SLC9B2: variants seen among roughly 807,000 people sequenced by gnomAD.
The protein encoded by SLC9B2 is sodium/hydrogen exchanger 9B2.
Under a neutral mutation model 52.2 loss-of-function variants are expected in SLC9B2, and 39 were observed. The ratio of observed to expected loss-of-function variants is 0.75; its 90% CI spans 0.58 to 0.98. The LOEUF (loss-of-function observed/expected upper bound fraction) is 0.98, where lower values mean the gene tolerates loss of function less well. Ranked by LOEUF, SLC9B2 falls within the 50% of genes least tolerant of loss-of-function variation. The probability of loss-of-function intolerance (pLI) is 0.00; values close to 1 mark genes in which losing one functional copy is unlikely to be tolerated. For synonymous variants in SLC9B2, 214 were observed against 227.0 expected (o/e 0.94, Z 0.51); for missense variants, 626 against 637.5 (o/e 0.98, Z 0.19).
chr4:103,032,088 G>A (rs1366197027), intron 9 of SLC9B2, among the ~76,000 whole-genome samples: 2 of 152,090 alleles, frequency 1.3e-5, no homozygotes, highest in Admixed American at 1.3e-4. Context: ...TCCTACTTCT[G>A]AATACATCGT....
chr4:103,049,914 G>A (rs1438757863), intron 5 of SLC9B2, among the ~76,000 whole-genome samples: 1 of 151,956 alleles, frequency 6.6e-6, no homozygotes, highest in Non-Finnish European at 1.5e-5. Context: ...TGGGAGGCCT[G>A]AGGCAGGAGA....
chr4:103,058,612 G>C (rs1385196630), intron 3 of SLC9B2, among the ~76,000 whole-genome samples: 1 of 152,038 alleles, frequency 6.6e-6, no homozygotes, highest in African/African-American at 2.4e-5. Flanking sequence ...TTGTTACCCA[G>C]GCTGGTCTTA....
intron 5 of SLC9B2, 96 bp downstream of exon 5, chr4:103,050,144 C>T: frequency 9.1e-7 from 1 of 1,093,632 alleles, no homozygotes; most frequent in Non-Finnish European, 1.2e-6. Flanking sequence ...GCAAAGTGTC[C>T]ACATCCATTT....
At chr4:103,044,026 T>A (rs1218790634) in intron 8 of SLC9B2, among the ~76,000 whole-genome samples, 1 of 152,178 alleles carries the variant, frequency 6.6e-6, no homozygotes, top group Non-Finnish European at 1.5e-5. Flanking sequence ...ATTGTGTACT[T>A]TTTTTCCCTT....
chr4:103,055,204 A>C (rs1005352528), intron 4 of SLC9B2, among the ~76,000 whole-genome samples: 3 of 133,534 alleles, frequency 2.2e-5, no homozygotes, highest in African/African-American at 8.3e-5. Flanking sequence ...ACACATGGAC[A>C]CAGGAAGGGG....
Position 103,046,426 on chromosome 4 carries a change from T to C in SLC9B2, c.889+625A>G, listed in dbSNP as rs530633078. Reference sequence around the variant, plus strand: ...GTTTAATATAGGTGTTGAACAACAGTGGGAGAAAAAATAACTTAAGTTCCT... The same window carrying C: ...GTTTAATATAGGTGTTGAACAACAGCGGGAGAAAAAATAACTTAAGTTCCT... On this transcript the variant is annotated intron_variant, in intron 7 of 11. Transcript: ENST00000394785. Among the ~76,000 whole-genome samples, 90 of 152,168 alleles carry C rather than the reference T, an allele frequency of 5.9e-4. No individual in the cohort carries two copies. In the Middle Eastern group the frequency reaches 0.014, roughly 23 times the overall value.
chr4:103,029,919 C>T lies in SLC9B2; in HGVS notation c.1256-1036G>A, dbSNP rs72943523. 3.4e-3 allele frequency among the ~76,000 whole-genome samples: 517 copies of T among 152,278 alleles called. 1 individual carries two copies. The highest frequency in any genetic ancestry group is 0.017 in the Middle Eastern group (5 of 294). ...TTCAAAGGGCGGGTAAAACATCAGA[C>T]AGACATAGCGGGAGGATCTATTGTA... On this transcript the variant is annotated intron_variant, in intron 10 of 11. Transcript: ENST00000394785.
chr4:103,070,150 G>GT (rs1438775826), intron 1 of SLC9B2, among the ~76,000 whole-genome samples: 2 of 152,184 alleles, frequency 1.3e-5, no homozygotes, highest in Non-Finnish European at 2.9e-5. Flanking sequence ...CTAGTCAGCT[G>GT]TATTTGTTTG....
At chr4:103,030,210 A>T (rs1742575828) in intron 10 of SLC9B2, among the ~76,000 whole-genome samples, 1 of 152,142 alleles carries the variant, frequency 6.6e-6, no homozygotes, top group Non-Finnish European at 1.5e-5. Flanking sequence ...TTGGAATTAT[A>T]CAGTTTATAG....
chr4:103,021,576 G>C (rs1228246215), downstream of SLC9B2, among the ~76,000 whole-genome samples: 1 of 152,088 alleles, frequency 6.6e-6, no homozygotes, highest in Non-Finnish European at 1.5e-5. Flanking sequence ...ACAAAGTCAT[G>C]GAAAGCAAAA....
Position 103,023,349 on chromosome 4 carries a change from A to G in SLC9B2, c.*3021T>C, listed in dbSNP as rs1560537640. On this transcript the variant is annotated 3_prime_UTR_variant, in exon 12 of 12. Coordinates refer to ENST00000394785, the MANE Select transcript of SLC9B2 (RefSeq NM_178833.7). The stretch of plus-strand genomic sequence containing the variant: ...GTGTTACATGTGCTCTGACATAAGT[A>G]TGTATAAGGGACCCAAAAGTTAGAG... Among the ~76,000 whole-genome samples, 1 of 152,250 alleles carries G rather than the reference A, an allele frequency of 6.6e-6. No individual in the cohort carries two copies. The highest frequency in any genetic ancestry group is 1.5e-5 in the Non-Finnish European group (1 of 68,042).
rs928088420 is a variant in SLC9B2, at chr4:103,047,814, A to C, written c.714-588T>G. Among the ~76,000 whole-genome samples, 93 of 152,214 alleles carry C rather than the reference A, an allele frequency of 6.1e-4. 1 individual carries two copies. Among genetic ancestry groups the C allele is most frequent in the African/African-American group, 2.2e-3 (90 of 41,542 alleles). On this transcript the variant is annotated intron_variant, in intron 6 of 11. Coordinates refer to ENST00000394785, the MANE Select transcript of SLC9B2 (RefSeq NM_178833.7). ...TATCATTGACAACTACAGTCTTTCAAATGGCAGAGAAGCATGAATCCAGAA... is the reference window on the plus strand; with the variant it reads ...TATCATTGACAACTACAGTCTTTCACATGGCAGAGAAGCATGAATCCAGAA...
At chr4:103,075,229 A>C (rs897389192) in intron 1 of SLC9B2, among the ~76,000 whole-genome samples, 2 of 152,096 alleles carry the variant, frequency 1.3e-5, no homozygotes, top group African/African-American at 4.8e-5. Context: ...GGCTCACTGC[A>C]ACCTGTGCCT....
chr4:103,042,112 G>A (rs1375074438), intron 9 of SLC9B2: 1 of 152,042 alleles, frequency 6.6e-6, no homozygotes, highest in African/African-American at 2.4e-5. Context: ...ATATGAGAAT[G>A]AATGTTATTT....
Position 103,023,038 on chromosome 4 carries a change from T to G in SLC9B2, c.*3332A>C, listed in dbSNP as rs965286030. ...ACTTCCAACCTTTAATAGAAGTAAG[T>G]TTCTGTTGTGTAAGCCACCCAGTGT... On this transcript the variant is annotated 3_prime_UTR_variant, in exon 12 of 12. Transcript: ENST00000394785. Among the ~76,000 whole-genome samples the G allele has an allele frequency of 6.6e-6, 1 of 152,172 alleles. No homozygotes were observed. The highest frequency in any genetic ancestry group is 1.5e-5 in the Non-Finnish European group (1 of 68,024).
rs1300539792 is a variant in SLC9B2, at chr4:103,028,686, A to G, written c.1392+61T>C. On this transcript the variant is annotated intron_variant, in intron 11 of 11. Coordinates refer to ENST00000394785, the MANE Select transcript of SLC9B2 (RefSeq NM_178833.7). Reference sequence around the variant, plus strand: ...AAATTTAAACAAGCCCTCTTATTCAATATTTCAAGGTGTCATGCAGAAATA... The same window carrying G: ...AAATTTAAACAAGCCCTCTTATTCAGTATTTCAAGGTGTCATGCAGAAATA... 65 of 1,524,290 alleles carry G rather than the reference A, an allele frequency of 4.3e-5. 1 individual carries two copies. The highest frequency in any genetic ancestry group is 4.9e-5 in the Non-Finnish European group (56 of 1,139,754). 94.4% of individuals were successfully genotyped at this position (1,524,290 alleles called of 1,614,324 possible).
downstream of SLC9B2, chr4:103,019,575 G>T: frequency 3.0e-6 from 3 of 985,304 alleles, no homozygotes; most frequent in Non-Finnish European, 3.6e-6. Flanking sequence ...TTGGAAGGGC[G>T]GCGTTAAGAA....
intron 10 of SLC9B2, among the ~76,000 whole-genome samples, chr4:103,029,155 T>C (rs1041680937): frequency 2.6e-5 from 4 of 152,178 alleles, no homozygotes; most frequent in Non-Finnish European, 5.9e-5. Flanking sequence ...ATATGTCTTA[T>C]GCTTTATAGC....
At chr4:103,050,591 TA>T (rs1446837302) in intron 4 of SLC9B2, among the ~76,000 whole-genome samples, 1 of 152,200 alleles carries the variant, frequency 6.6e-6, no homozygotes, top group African/African-American at 2.4e-5. Context: ...TAATAATTAA[TA>T]TTCCCAAAAT....
Sources: gnomAD v4.1 joint callset for allele counts (sites outside exome capture counted in the v4.1 genomes callset) on GRCh38, gnomAD v4.1.1 for gene constraint, MANE v1.5 for transcripts, NCBI Gene and HGNC (gene_info 2026-07-23, HGNC 2026-07-21) for gene names.